SCAMP4: variants seen among roughly 807,000 people sequenced by gnomAD.
SCAMP4 encodes the protein secretory carrier-associated membrane protein 4.
A neutral mutation model predicts 32.1 loss-of-function variants in SCAMP4; 19 were observed. The observed-to-expected ratio is 0.59, with a 90% CI of 0.41 to 0.87. SCAMP4 has a LOEUF of 0.87. Ranked by LOEUF, SCAMP4 falls within the 40% of genes least tolerant of loss-of-function variation. The probability of loss-of-function intolerance (pLI) is 0.00; values close to 1 mark genes in which losing one functional copy is unlikely to be tolerated. For synonymous variants in SCAMP4, 152 were observed against 132.7 expected (o/e 1.15, Z -1.00); for missense variants, 302 against 309.0 (o/e 0.98, Z 0.17).
intron 4 of SCAMP4, 108 bp downstream of exon 4, chr19:1,918,391 G>A: frequency 8.1e-7 from 1 of 1,241,460 alleles, no homozygotes; most frequent in Non-Finnish European, 1.1e-6. Flanking sequence ...TGCCCAGTGT[G>A]AAAGACAGTT....
chr19:1,910,942 A>G (rs1195978493), intron 1 of SCAMP4, among the ~76,000 whole-genome samples: 1 of 147,320 alleles, frequency 6.8e-6, no homozygotes, highest in Admixed American at 6.7e-5. Context: ...TCTCGGCTCA[A>G]TGTAACCTGC....
At chr19:1,920,289 C>T (rs937510110) in intron 5 of SCAMP4, 14 of 985,188 alleles carry the variant, frequency 1.4e-5, no homozygotes, top group Admixed American at 6.1e-5. Context: ...CCTGGGCTCC[C>T]ATTAGCAAGC....
At position 1,917,790 on chromosome 19, in the gene SCAMP4, T is replaced by A; in HGVS notation, c.104T>A (p.Val35Asp). Residue 35 changes from valine to aspartate, a missense_variant, in exon 3 of 7, where the codon GTC (valine) becomes GAC (aspartate). Physicochemically the swap from Val to Asp is radical, Grantham distance 152. Coordinates refer to ENST00000316097, the MANE Select transcript of SCAMP4 (RefSeq NM_079834.4). The stretch of plus-strand genomic sequence containing the variant: ...GACGAGATCCCAGTGGAGCACCAGG[T>A]CCTGGTGAAGAGGATCTACCGGCTG... ...FSDEIPVEHQ[V>D]LVKRIYRLWM... 6.2e-7 allele frequency: 1 copy of A among 1,613,868 alleles called. No individual in the cohort carries two copies. The highest frequency in any genetic ancestry group is 2.2e-5 in the East Asian group (1 of 44,888).
chr19:1,920,399 C>T, intron 5 of SCAMP4: 1 of 764,550 alleles, frequency 1.3e-6, no homozygotes, highest in South Asian at 5.9e-5. Flanking sequence ...GATGGTGACT[C>T]CTCTCCCTTC....
chr19:1,911,799 TA>T (rs888044461), intron 1 of SCAMP4: 201 of 395,798 alleles, frequency 5.1e-4, no homozygotes, highest in South Asian at 1.1e-3. Flanking sequence ...AAAAATAAAA[TA>T]AAAAAAAAAG....
At chr19:1,922,830 G>A (rs1462117923) in intron 5 of SCAMP4, 1 of 1,223,622 alleles carries the variant, frequency 8.2e-7, no homozygotes, top group Admixed American at 4.4e-5. Flanking sequence ...GTCGAAGTTT[G>A]TGTCCACTGC....
intron 5 of SCAMP4, chr19:1,921,112 G>A (rs570173685): frequency 5.1e-5 from 50 of 985,326 alleles, no homozygotes; most frequent in Non-Finnish European, 5.8e-5. Flanking sequence ...CATGTCCACC[G>A]TTGGCTTAGT....
intron 1 of SCAMP4, among the ~76,000 whole-genome samples, chr19:1,909,280 C>T (rs1410492582): frequency 1.3e-5 from 2 of 152,142 alleles, no homozygotes; most frequent in Admixed American, 6.6e-5. Flanking sequence ...GAGGCGCTGT[C>T]CCCCAGGGCC....
Position 1,924,134 on chromosome 19 carries a change from C to A in SCAMP4, c.540C>A (p.Gly180=), listed in dbSNP as rs182493963. ...MKVHRIYRGA[G]GSFQKAQTEW... ...TGCACAGGATCTACCGAGGGGCTGGCGGAAGCTTCCAGAAGGCACAGACGG... is the reference window on the plus strand; with the variant it reads ...TGCACAGGATCTACCGAGGGGCTGGAGGAAGCTTCCAGAAGGCACAGACGG... Residue 180 remains glycine, a synonymous_variant, in exon 7 of 7, where the codon GGC becomes GGA. Transcript: ENST00000316097. The A allele has an allele frequency of 6.2e-7, 1 of 1,610,648 alleles. No homozygotes were observed. The highest frequency in any genetic ancestry group is 2.2e-5 in the East Asian group (1 of 44,780).
At position 1,918,728 on chromosome 19, in the gene SCAMP4, C is replaced by G. The variant is rs368079908; in HGVS notation, c.294-161C>G. 70 of 1,162,622 alleles carry G rather than the reference C, an allele frequency of 6.0e-5. No homozygotes were observed. In the East Asian group the frequency reaches 6.2e-4, roughly 10 times the overall value. 72.0% of individuals were successfully genotyped at this position (1,162,622 alleles called of 1,614,324 possible). On this transcript the variant is annotated intron_variant, in intron 4 of 6. Coordinates refer to ENST00000316097, the MANE Select transcript of SCAMP4 (RefSeq NM_079834.4). Reference sequence around the variant, plus strand: ...AGTGAGCCGAGATCTCGACACTGCTCTCCAGCCTGGGCGACAGAGTGAGAC... The same window carrying G: ...AGTGAGCCGAGATCTCGACACTGCTGTCCAGCCTGGGCGACAGAGTGAGAC...
intron 5 of SCAMP4, chr19:1,922,868 A>G (rs2013962793): frequency 2.3e-6 from 3 of 1,298,924 alleles, no homozygotes; most frequent in Non-Finnish European, 9.8e-7. Context: ...GCGATGGTGG[A>G]GGGATAAGGT....
intron 2 of SCAMP4, among the ~76,000 whole-genome samples, chr19:1,915,751 C>T (rs995968560): frequency 1.3e-5 from 2 of 151,654 alleles, no homozygotes; most frequent in Non-Finnish European, 2.9e-5. Context: ...TCGAGACCAT[C>T]CTGGCTAACA....
chr19:1,917,630 A>G, intron 2 of SCAMP4, 64 bp from the exon 3 acceptor site: 1 of 1,600,232 alleles, frequency 6.2e-7, no homozygotes, highest in Non-Finnish European at 8.5e-7. Flanking sequence ...GGTCGAAGGG[A>G]TGAGGTGGGG....
intron 5 of SCAMP4, chr19:1,922,794 G>A: frequency 1.8e-6 from 2 of 1,114,206 alleles, no homozygotes; most frequent in Non-Finnish European, 2.2e-6. Flanking sequence ...TGCTGCGATG[G>A]TGAAGGGATA....
chr19:1,921,312 G>A (rs1049895463), intron 5 of SCAMP4: 47 of 985,428 alleles, frequency 4.8e-5, no homozygotes, highest in Admixed American at 3.7e-4. Context: ...ACGCATGCCC[G>A]AGGCCATGAG....
intron 1 of SCAMP4, among the ~76,000 whole-genome samples, chr19:1,909,751 G>T (rs1325482158): frequency 6.6e-6 from 1 of 152,224 alleles, no homozygotes; most frequent in African/African-American, 2.4e-5. Flanking sequence ...CCCCACTCCA[G>T]CCAGGGCCTC....
intron 1 of SCAMP4, chr19:1,913,273 C>A: frequency 6.6e-6 from 9 of 1,370,522 alleles, no homozygotes; most frequent in Non-Finnish European, 8.7e-6. Flanking sequence ...CATACCGCCT[C>A]CAGCGGGGAG....
intron 1 of SCAMP4, chr19:1,912,671 G>C: frequency 7.0e-7 from 1 of 1,438,324 alleles, no homozygotes; most frequent in African/African-American, 1.5e-5. Flanking sequence ...CGCGGGGCTT[G>C]CGGGCCGTGG....
intron 1 of SCAMP4, among the ~76,000 whole-genome samples, chr19:1,907,454 G>A (rs1047700627): frequency 6.6e-6 from 1 of 152,062 alleles, no homozygotes; most frequent in Non-Finnish European, 1.5e-5. Context: ...GAGGCTTGGA[G>A]GAGTCAGGAC....
Sources: allele counts gnomAD v4.1 joint callset (sites outside exome capture counted in the v4.1 genomes callset), GRCh38; gene constraint gnomAD v4.1.1; transcripts MANE v1.5; gene names NCBI Gene and HGNC (gene_info 2026-07-23, HGNC 2026-07-21).